Variants in NELL1 observed in about 807,000 individuals in gnomAD.
NELL1 encodes the protein neural EGFL like 1.
NELL1 carries 76 observed loss-of-function variants against 107.4 expected under a neutral mutation model. The ratio of observed to expected loss-of-function variants is 0.71; its 90% CI spans 0.59 to 0.86. The LOEUF (loss-of-function observed/expected upper bound fraction) is 0.86, where lower values mean the gene tolerates loss of function less well. NELL1 is among the 40% of genes least tolerant of loss of function. The probability of loss-of-function intolerance (pLI) is 0.00; values close to 1 mark genes in which losing one functional copy is unlikely to be tolerated. For synonymous variants in NELL1, 353 were observed against 341.2 expected, an observed-to-expected ratio of 1.03 and a Z score of -0.38; for missense variants, 1,024 against 1,005.5, an observed-to-expected ratio of 1.02 and a Z score of -0.25.
chr11:21,489,107 A>G (rs1854722118), intron 15 of NELL1, among the ~76,000 whole-genome samples: 1 of 152,014 alleles, frequency 6.6e-6, no homozygotes, highest in South Asian at 2.1e-4. Flanking sequence ...TTTACAAGTG[A>G]TAGCACAGAA....
chr11:20,855,501 A>T (rs1170815163), intron 4 of NELL1, among the ~76,000 whole-genome samples: 2 of 152,188 alleles, frequency 1.3e-5, no homozygotes, highest in African/African-American at 4.8e-5. Flanking sequence ...TCCAACTCAT[A>T]GTGATTTCAT....
intron 4 of NELL1, among the ~76,000 whole-genome samples, chr11:20,859,797 A>T (rs1255828220): frequency 3.3e-5 from 2 of 61,024 alleles, no homozygotes; most frequent in Admixed American, 4.6e-4. Flanking sequence ...AACTAATAAG[A>T]GAGCACAGGA....
rs386373288 is a variant in NELL1, at chr11:20,862,605, C to CTTTTTTTTTTTTTT, written c.506+14862_506+14875dup. Among the ~76,000 whole-genome samples the CTTTTTTTTTTTTTT allele has an allele frequency of 1.1e-4, 10 of 94,672 alleles. 1 individual carries two copies. Among genetic ancestry groups the CTTTTTTTTTTTTTT allele is most frequent in the South Asian group, 4.7e-4 (1 of 2,136 alleles). 62.1% of individuals were successfully genotyped at this position (94,672 alleles called of 152,430 possible). A position where few individuals can be genotyped will look rare whatever the true frequency, so the allele number is the denominator to read the frequency against. ...GCCCTAAAAATCTTTTGAGCTGCTG[C>CTTTTTTTTTTTTTT]TTTTTTTTTTTTTTTTTTTTTTTAT... On this transcript the variant is annotated intron_variant, in intron 4 of 19. Coordinates refer to ENST00000357134, the MANE Select transcript of NELL1 (RefSeq NM_006157.5).
chr11:20,995,604 C>CT (rs1852074018), intron 12 of NELL1, among the ~76,000 whole-genome samples: 1 of 152,016 alleles, frequency 6.6e-6, no homozygotes, highest in African/African-American at 2.4e-5. Flanking sequence ...CTATAAATTG[C>CT]TTCACATTTC....
At chr11:21,250,251 C>A (rs1171878214) in intron 14 of NELL1, among the ~76,000 whole-genome samples, 2 of 152,096 alleles carry the variant, frequency 1.3e-5, no homozygotes, top group Non-Finnish European at 2.9e-5. Context: ...GAGTAATTTG[C>A]AGTTATTTAA....
At chr11:21,403,903 T>G (rs928432293) in intron 15 of NELL1, among the ~76,000 whole-genome samples, 1 of 151,300 alleles carries the variant, frequency 6.6e-6, no homozygotes, top group Non-Finnish European at 1.5e-5. Context: ...TGTCCTTTTT[T>G]GGGATGTTAA....
rs1257146466 is a variant in NELL1 at position 20,947,279 on chromosome 11, T to A, written c.1072-57T>A. ...CTATTAACAAAGAACATTATAAGTT[T>A]GTTCCATTGACTAAAAATGTGAACA... On this transcript the variant is annotated intron_variant, in intron 10 of 19. Transcript: ENST00000357134. 4 of 1,112,090 alleles carry A rather than the reference T, an allele frequency of 3.6e-6. No individual in the cohort carries two copies. In the Admixed American group the frequency reaches 6.8e-5, roughly 19 times the overall value. 68.9% of individuals were successfully genotyped at this position (1,112,090 alleles called of 1,614,324 possible).
At chr11:20,892,928 CAAA>C (rs35992813) in intron 5 of NELL1, among the ~76,000 whole-genome samples, 9 of 98,350 alleles carry the variant, frequency 9.2e-5, no homozygotes, top group Admixed American at 3.1e-4. Context: ...GACTGTGTCT[CAAA>C]AAAAAAAAAA....
At chr11:20,692,017 G>A (rs543673095) in intron 2 of NELL1, among the ~76,000 whole-genome samples, 76 of 151,956 alleles carry the variant, frequency 5.0e-4, no homozygotes, top group African/African-American at 1.8e-3. Context: ...TCTTGGGAGA[G>A]TGTATGTGTC....
intron 15 of NELL1, among the ~76,000 whole-genome samples, chr11:21,484,135 A>G (rs1028916409): frequency 2.0e-5 from 3 of 149,574 alleles, no homozygotes; most frequent in Admixed American, 6.7e-5. Flanking sequence ...TTCCCATGCT[A>G]TATTTTTTTG....
At chr11:21,515,870 A>G (rs1855549202) in intron 15 of NELL1, among the ~76,000 whole-genome samples, 1 of 152,194 alleles carries the variant, frequency 6.6e-6, no homozygotes, top group Non-Finnish European at 1.5e-5. Flanking sequence ...GGTAGAGCAA[A>G]TGAAGCTCTA....
intron 14 of NELL1, among the ~76,000 whole-genome samples, chr11:21,269,350 C>CCT (rs67054627): frequency 0.11 from 15,933 of 147,480 alleles, 1,004 homozygotes; most frequent in South Asian, 0.28. Flanking sequence ...TTGCCAAATC[C>CCT]CTCTCTCTCT....
At chr11:20,675,151 A>G (rs978158234) in intron 1 of NELL1, among the ~76,000 whole-genome samples, 2 of 152,172 alleles carry the variant, frequency 1.3e-5, no homozygotes, top group African/African-American at 4.8e-5. Context: ...ACCCCACTGC[A>G]CAAGCATATT....
intron 13 of NELL1, among the ~76,000 whole-genome samples, chr11:21,155,272 T>C (rs1856206677): frequency 6.6e-6 from 1 of 152,114 alleles, no homozygotes; most frequent in Non-Finnish European, 1.5e-5. Context: ...TTGGACAGAT[T>C]GGGTCCAAAC....
chr11:21,320,514 T>C (rs77200900), intron 14 of NELL1, among the ~76,000 whole-genome samples: 236 of 152,312 alleles, frequency 1.5e-3, no homozygotes, highest in African/African-American at 5.3e-3. Context: ...CAATGCACTT[T>C]CTTATATGTT....
intron 14 of NELL1, among the ~76,000 whole-genome samples, chr11:21,364,367 C>A (rs986309326): frequency 7.8e-6 from 1 of 127,846 alleles, no homozygotes; most frequent in Non-Finnish European, 1.5e-5. Flanking sequence ...GCCGAGATCA[C>A]ACCATGGCAT....
At chr11:20,966,808 ATCT>A (rs1227022791) in intron 12 of NELL1, among the ~76,000 whole-genome samples, 1 of 151,938 alleles carries the variant, frequency 6.6e-6, no homozygotes, top group Non-Finnish European at 1.5e-5. Flanking sequence ...CCCACTTGAA[ATCT>A]TCTTAACCAT....
intron 13 of NELL1, among the ~76,000 whole-genome samples, chr11:21,163,508 C>T (rs1856417404): frequency 6.6e-6 from 1 of 152,106 alleles, no homozygotes; most frequent in African/African-American, 2.4e-5. Flanking sequence ...TAGTTTGAAT[C>T]CCTAATCCCC....
chr11:20,952,918 GTC>G (rs905277271), intron 11 of NELL1, among the ~76,000 whole-genome samples: 7 of 152,088 alleles, frequency 4.6e-5, no homozygotes, highest in African/African-American at 1.4e-4. Flanking sequence ...CGGGAGTTCA[GTC>G]TCTATTAGGC....
Sources: allele counts gnomAD v4.1 joint callset (sites outside exome capture counted in the v4.1 genomes callset), GRCh38; gene constraint gnomAD v4.1.1; transcripts MANE v1.5; gene names NCBI Gene and HGNC (gene_info 2026-07-23, HGNC 2026-07-21).